Variants in CTNNA3 observed in about 807,000 individuals in gnomAD.
CTNNA3 encodes catenin alpha 3, also known as catenin alpha-3.
In CTNNA3, 76 loss-of-function variants were observed where a neutral mutation model predicts 95.7. The observed-to-expected ratio is 0.79, with a 90% CI of 0.66 to 0.96. CTNNA3 has a LOEUF of 0.96. Among genes scored for constraint, CTNNA3 ranks in the 40% least tolerant of loss-of-function variants. The probability of loss-of-function intolerance (pLI) is 0.00; values close to 1 mark genes in which losing one functional copy is unlikely to be tolerated. For missense variants in CTNNA3, 1,191 were observed against 1,089.8 expected (o/e 1.09, Z -1.31); for synonymous variants, 431 against 374.4 (o/e 1.15, Z -1.74).
chr10:67,186,405 T>G (rs772939149), intron 6 of CTNNA3, among the ~76,000 whole-genome samples: 1 of 152,210 alleles, frequency 6.6e-6, no homozygotes, highest in Non-Finnish European at 1.5e-5. Context: ...TTTTACATGC[T>G]TGACTTTTAA....
intron 5 of CTNNA3, among the ~76,000 whole-genome samples, chr10:67,289,848 T>A (rs1328186360): frequency 2.0e-5 from 3 of 151,970 alleles, no homozygotes; most frequent in Non-Finnish European, 4.4e-5. Flanking sequence ...TCTCAATCTG[T>A]CTCCCATGAT....
chr10:66,702,639 G>T (rs1016075322), intron 9 of CTNNA3, among the ~76,000 whole-genome samples: 1 of 149,808 alleles, frequency 6.7e-6, no homozygotes, highest in Non-Finnish European at 1.5e-5. Flanking sequence ...TTGGAAGGTG[G>T]TGGTTGCAGT....
chr10:66,386,500 C>T lies in CTNNA3; in HGVS notation c.1532-7148G>A, dbSNP rs184531377. 1.2e-3 allele frequency among the ~76,000 whole-genome samples: 181 copies of T among 152,184 alleles called. 1 individual carries two copies. Among genetic ancestry groups the T allele is most frequent in the African/African-American group, 3.9e-3 (163 of 41,528 alleles). The stretch of plus-strand genomic sequence containing the variant: ...GCTCATGGATAGGAAGAATCAATAT[C>T]GTGAAAATGGCCATACTGCCCAAGG... On this transcript the variant is annotated intron_variant, in intron 11 of 17. Coordinates refer to ENST00000433211, the MANE Select transcript of CTNNA3 (RefSeq NM_013266.4).
intron 11 of CTNNA3, among the ~76,000 whole-genome samples, chr10:66,476,688 T>C (rs1565000188): frequency 6.6e-6 from 1 of 152,126 alleles, no homozygotes; most frequent in Non-Finnish European, 1.5e-5. Context: ...TAATTCACAA[T>C]GTTATATAAA....
intron 13 of CTNNA3, among the ~76,000 whole-genome samples, chr10:66,201,300 A>G (rs2087390045): frequency 6.6e-6 from 1 of 151,868 alleles, no homozygotes; most frequent in Non-Finnish European, 1.5e-5. Context: ...ATCATTCCCA[A>G]TGTTTGCTGG....
chr10:67,501,343 G>A (rs185638692), intron 5 of CTNNA3, among the ~76,000 whole-genome samples: 162 of 152,330 alleles, frequency 1.1e-3, no homozygotes, highest in African/African-American at 3.7e-3. Context: ...CTGTTAGTCT[G>A]ATGGGCTTCC....
At chr10:66,957,662 C>A (rs1370602453) in intron 7 of CTNNA3, among the ~76,000 whole-genome samples, 1 of 151,626 alleles carries the variant, frequency 6.6e-6, no homozygotes, top group Non-Finnish European at 1.5e-5. Flanking sequence ...ATCCAGCAAA[C>A]CTTTGCAAAA....
intron 12 of CTNNA3, among the ~76,000 whole-genome samples, chr10:66,325,219 A>G (rs2135732): frequency 0.92 from 139,972 of 152,058 alleles, 64,607 homozygotes; most frequent in East Asian, 1. Flanking sequence ...CATGCTTATC[A>G]GTTTTTGTTT....
intron 14 of CTNNA3, chr10:66,085,010 A>G (rs2080926143): frequency 6.6e-6 from 1 of 152,152 alleles, no homozygotes; most frequent in African/African-American, 2.4e-5. Context: ...AGAAAGTGAC[A>G]AAGCCCTCCT....
At chr10:66,356,854 C>A (rs937127007) in intron 12 of CTNNA3, among the ~76,000 whole-genome samples, 4 of 151,912 alleles carry the variant, frequency 2.6e-5, no homozygotes, top group African/African-American at 9.7e-5. Context: ...TTTTCTGCAT[C>A]TTTGATATAA....
At chr10:67,139,294 G>A (rs993021729) in intron 7 of CTNNA3, among the ~76,000 whole-genome samples, 2 of 134,604 alleles carry the variant, frequency 1.5e-5, no homozygotes, top group East Asian at 4.3e-4. Context: ...CACCACGCCC[G>A]GCTAATTTTT....
chr10:67,397,037 T>C (rs1844731540), intron 5 of CTNNA3, among the ~76,000 whole-genome samples: 1 of 152,120 alleles, frequency 6.6e-6, no homozygotes, highest in African/African-American at 2.4e-5. Flanking sequence ...ATTACCAGCA[T>C]GAGAATGGAC....
intron 1 of CTNNA3, among the ~76,000 whole-genome samples, chr10:67,692,736 T>TAAAAAATAAA (rs1840891861): frequency 1.2e-5 from 1 of 80,840 alleles, no homozygotes; most frequent in African/African-American, 4.7e-5. Flanking sequence ...GAATGATCAA[T>TAAAAAATAAA]AAAAAAAAAA....
At chr10:67,718,697 G>A (rs1477195271) in intron 1 of CTNNA3, among the ~76,000 whole-genome samples, 1 of 152,160 alleles carries the variant, frequency 6.6e-6, no homozygotes, top group Non-Finnish European at 1.5e-5. Context: ...TGTGCTGCTG[G>A]ATTTGGTTTG....
intron 13 of CTNNA3, among the ~76,000 whole-genome samples, chr10:66,254,365 C>T (rs549917593): frequency 6.6e-6 from 1 of 152,228 alleles, no homozygotes; most frequent in Non-Finnish European, 1.5e-5. Flanking sequence ...ACTCATTGTG[C>T]AACCCTTGCT....
chr10:67,695,740 T>C (rs903274362), intron 1 of CTNNA3, among the ~76,000 whole-genome samples: 2 of 152,162 alleles, frequency 1.3e-5, no homozygotes, highest in Non-Finnish European at 2.9e-5. Flanking sequence ...AGAAACTCTC[T>C]GAATGCAAAG....
intron 15 of CTNNA3, among the ~76,000 whole-genome samples, chr10:66,035,010 A>G (rs1447987185): frequency 6.6e-6 from 1 of 152,136 alleles, no homozygotes; most frequent in Non-Finnish European, 1.5e-5. Flanking sequence ...TATACTCCAC[A>G]TTTGACCAGC....
At chr10:66,983,064 A>G (rs775505638) in intron 7 of CTNNA3, among the ~76,000 whole-genome samples, 4 of 152,240 alleles carry the variant, frequency 2.6e-5, no homozygotes, top group African/African-American at 4.8e-5. Context: ...CTGGTCAAGC[A>G]GGGGTTTTTT....
At chr10:67,455,156 T>G (rs1362119972) in intron 5 of CTNNA3, among the ~76,000 whole-genome samples, 1 of 152,172 alleles carries the variant, frequency 6.6e-6, no homozygotes, top group Non-Finnish European at 1.5e-5. Flanking sequence ...AATTTTAACA[T>G]GCACATTTTC....
Sources: gnomAD v4.1 joint callset for allele counts (sites outside exome capture counted in the v4.1 genomes callset) on GRCh38, gnomAD v4.1.1 for gene constraint, MANE v1.5 for transcripts, NCBI Gene and HGNC (gene_info 2026-07-23, HGNC 2026-07-21) for gene names.